SETD2: variants seen among roughly 807,000 people sequenced by gnomAD.
SETD2 encodes SET domain containing 2, histone lysine methyltransferase, also known as histone-lysine N-methyltransferase SETD2.
Under a neutral mutation model 242.1 loss-of-function variants are expected in SETD2, and 31 were observed. The observed-to-expected ratio is 0.13, with a 90% CI of 0.10 to 0.17. The LOEUF (loss-of-function observed/expected upper bound fraction) is 0.17. Ranked by LOEUF, SETD2 falls within the 10% of genes least tolerant of loss-of-function variation. The pLI is 1.00. For missense variants in SETD2, 2,481 were observed against 3,046.3 expected, an observed-to-expected ratio of 0.81 and a Z score of 4.37; for synonymous variants, 1,006 against 1,066.5, an observed-to-expected ratio of 0.94 and a Z score of 1.11.
intron 12 of SETD2, among the ~76,000 whole-genome samples, chr3:47,073,389 G>T (rs544704222): frequency 6.6e-6 from 1 of 152,078 alleles, no homozygotes; most frequent in Non-Finnish European, 1.5e-5. Context: ...AGGCTAAGAG[G>T]GCCAAAGGGA....
intron 5 of SETD2, among the ~76,000 whole-genome samples, chr3:47,106,525 A>G (rs1013817454): frequency 1.5e-5 from 2 of 132,786 alleles, no homozygotes; most frequent in Non-Finnish European, 3.2e-5. Context: ...AAAAAAAAAA[A>G]AGGCAGCCGG....
rs2107746017 is a variant in SETD2 at position 47,120,792 on chromosome 3, C to T, written c.3844G>A (p.Gly1282Ser). 6.2e-7 allele frequency: 1 copy of T among 1,614,194 alleles called. No homozygotes were observed. The highest frequency in any genetic ancestry group is 8.5e-7 in the Non-Finnish European group (1 of 1,180,030). ...QQPDSSYGAC[G>S]GHKYQQNAEQ... ...GCATTTTGCTGATACTTGTGTCCAC[C>T]ACAAGCTCCATAGCTACTGTCAGGT... Residue 1282 changes from glycine to serine, a missense_variant, in exon 3 of 21, where the codon GGT becomes AGT. Coordinates refer to ENST00000409792, the MANE Select transcript of SETD2 (RefSeq NM_014159.7).
At position 47,120,467 on chromosome 3, in the gene SETD2, G is replaced by A; in HGVS notation, c.4169C>T (p.Ser1390Leu). The change falls in exon 3 of 21, where the codon TCA becomes TTA. Residue 1390 changes from serine to leucine, a missense_variant. Transcript: ENST00000409792. The part of the protein sequence containing the change: ...TLAVNEKKDF[S>L]KNLEKNDIKD... The stretch of plus-strand genomic sequence containing the variant: ...GATATCATTTTTTTCTAAGTTTTTT[G>A]AAAAATCTTTCTTTTCATTCACAGC... The A allele has an allele frequency of 6.2e-7, 1 of 1,612,594 alleles. No homozygotes were observed. The highest frequency in any genetic ancestry group is 8.5e-7 in the Non-Finnish European group (1 of 1,179,656).
At chr3:47,093,282 TC>T (rs1176050653) in intron 9 of SETD2, among the ~76,000 whole-genome samples, 1 of 146,928 alleles carries the variant, frequency 6.8e-6, no homozygotes, top group African/African-American at 2.7e-5. Flanking sequence ...AATTTATCCA[TC>T]CTTTTTTTTT....
intron 10 of SETD2, among the ~76,000 whole-genome samples, chr3:47,087,319 G>C (rs2041603612): frequency 6.6e-6 from 1 of 152,088 alleles, no homozygotes; most frequent in Non-Finnish European, 1.5e-5. Flanking sequence ...TTTCAGGGAA[G>C]ATAATTTTTC....
intron 1 of SETD2, among the ~76,000 whole-genome samples, chr3:47,129,259 T>C (rs755818145): frequency 1.3e-5 from 2 of 152,128 alleles, no homozygotes; most frequent in Non-Finnish European, 2.9e-5. Flanking sequence ...ATAAGCACAA[T>C]CAGAAATTTG....
intron 14 of SETD2, among the ~76,000 whole-genome samples, chr3:47,060,610 T>A (rs1048738975): frequency 3.8e-4 from 58 of 152,140 alleles, no homozygotes; most frequent in African/African-American, 1.1e-3. Context: ...TCCCTTATAA[T>A]ATATACAAAA....
intron 13 of SETD2, 83 bp from the exon 14 acceptor site, chr3:47,062,429 C>A (rs2107590772): frequency 7.9e-7 from 1 of 1,268,124 alleles, no homozygotes; most frequent in Non-Finnish European, 1.1e-6. Context: ...AATGTATCAA[C>A]TGTATAATAA....
At chr3:47,082,846 A>C (rs909944677) in intron 12 of SETD2, among the ~76,000 whole-genome samples, 1 of 152,224 alleles carries the variant, frequency 6.6e-6, no homozygotes, top group Non-Finnish European at 1.5e-5. Context: ...TGTCATCATA[A>C]TTAGGGGCAG....
chr3:47,062,069 C>G, intron 14 of SETD2, 94 bp downstream of exon 14: 1 of 1,119,872 alleles, frequency 8.9e-7, no homozygotes, highest in South Asian at 1.5e-5. Flanking sequence ...TTCCAAAAGC[C>G]CTTGATGTTC....
At chr3:47,111,536 C>T (rs960310376) in intron 5 of SETD2, among the ~76,000 whole-genome samples, 5 of 152,022 alleles carry the variant, frequency 3.3e-5, no homozygotes, top group Non-Finnish European at 5.9e-5. Flanking sequence ...CGCCAGGATA[C>T]TCCAGCGAGG....
intron 12 of SETD2, among the ~76,000 whole-genome samples, chr3:47,077,785 C>G (rs189368787): frequency 6.6e-6 from 1 of 152,078 alleles, no homozygotes; most frequent in East Asian, 1.9e-4. Context: ...GAGCCTGGAA[C>G]AGCATATTGT....
chr3:47,019,364 T>TAC (rs1215378497), intron 19 of SETD2, among the ~76,000 whole-genome samples: 1 of 152,202 alleles, frequency 6.6e-6, no homozygotes, highest in Non-Finnish European at 1.5e-5. Context: ...AATGAGTCAA[T>TAC]GGGTACTGAA....
chr3:47,111,437 G>T (rs944000159), intron 5 of SETD2, among the ~76,000 whole-genome samples: 3 of 152,092 alleles, frequency 2.0e-5, no homozygotes, highest in African/African-American at 7.2e-5. Context: ...GGGCATACTG[G>T]CTCACACTTA....
chr3:47,153,268 C>T (rs1020274624), intron 1 of SETD2, among the ~76,000 whole-genome samples: 3 of 152,096 alleles, frequency 2.0e-5, no homozygotes, highest in Non-Finnish European at 2.9e-5. Flanking sequence ...TTTTATTACA[C>T]AATTTTTATT....
chr3:47,152,699 C>A (rs1157098569), intron 1 of SETD2, among the ~76,000 whole-genome samples: 1 of 152,094 alleles, frequency 6.6e-6, no homozygotes, highest in Non-Finnish European at 1.5e-5. Context: ...ATAGTCCTCC[C>A]CAAAGAGAGG....
chr3:47,095,965 A>C (rs1471423144), intron 9 of SETD2, among the ~76,000 whole-genome samples: 4 of 152,176 alleles, frequency 2.6e-5, no homozygotes, highest in African/African-American at 9.7e-5. Context: ...TATATTGCCT[A>C]GGATGGTCTT....
chr3:47,100,917 G>C (rs1446410129), intron 8 of SETD2, among the ~76,000 whole-genome samples: 4 of 149,338 alleles, frequency 2.7e-5, no homozygotes, highest in Non-Finnish European at 5.9e-5. Context: ...GGCTGAGGCA[G>C]GAGAACGGCA....
At position 47,123,345 on chromosome 3, in the gene SETD2, C is replaced by A. The variant is rs2106701569; in HGVS notation, c.1291G>T (p.Asp431Tyr). The change falls in exon 3 of 21, where the codon GAT becomes TAT. Residue 431 changes from aspartate (D) to tyrosine (Y), a missense_variant. Asp to Tyr is a radical substitution (Grantham distance 160). Around this residue, in one of 17 missense-constraint regions of SETD2, gnomAD observed 1,300 missense variants for 1,259.2 expected, o/e 1.03. Coordinates refer to ENST00000409792, the MANE Select transcript of SETD2 (RefSeq NM_014159.7). ...GGGGAGCTCCTATGGTAGCGACGAT[C>A]AGAGTCATAATAATGAGATCGTTCT... ...RSERSHYYDSDRRYHRSSPYR... is the reference protein window; with the variant it reads ...RSERSHYYDSYRRYHRSSPYR... The A allele has an allele frequency of 6.4e-7, 1 of 1,551,680 alleles. No homozygotes were observed. Among genetic ancestry groups the A allele is most frequent in the South Asian group, 1.2e-5 (1 of 84,058 alleles).
Sources: gnomAD v4.1 joint callset for allele counts (sites outside exome capture counted in the v4.1 genomes callset) on GRCh38, gnomAD v4.1.1 for gene constraint, gnomAD v4.1.1 regional missense constraint, MANE v1.5 for transcripts, NCBI Gene and HGNC (gene_info 2026-07-23, HGNC 2026-07-21) for gene names.